PTPRD: variants seen among roughly 807,000 people sequenced by gnomAD.
PTPRD encodes the protein receptor-type tyrosine-protein phosphatase delta.
In PTPRD, 34 loss-of-function variants were observed where a neutral mutation model predicts 214.5. The observed-to-expected ratio is 0.16, with a 90% CI of 0.12 to 0.21. PTPRD has a LOEUF of 0.21. PTPRD is among the 10% of genes least tolerant of loss of function. PTPRD has a pLI of 1.00. For synonymous variants in PTPRD, 1,128 were observed against 845.7 expected (o/e 1.33, Z -5.79); for missense variants, 2,545 against 2,398.7 (o/e 1.06, Z -1.27).
intron 2 of PTPRD, among the ~76,000 whole-genome samples, chr9:10,475,262 G>A (rs974643452): frequency 6.6e-6 from 1 of 151,894 alleles, no homozygotes; most frequent in African/African-American, 2.4e-5. Context: ...GAAGAAAAGG[G>A]AGAAGAATCA....
intron 8 of PTPRD, among the ~76,000 whole-genome samples, chr9:9,445,366 C>G (rs1211865964): frequency 6.6e-6 from 1 of 152,148 alleles, no homozygotes; most frequent in Non-Finnish European, 1.5e-5. Flanking sequence ...AGTGGTTCTT[C>G]CTTTTTACAT....
chr9:9,328,518 C>G (rs192924801), intron 9 of PTPRD, among the ~76,000 whole-genome samples: 1 of 149,818 alleles, frequency 6.7e-6, no homozygotes, highest in South Asian at 2.2e-4. Context: ...TTAAATCTGT[C>G]AATTTAGCAT....
chr9:9,748,976 G>A (rs2098485887), intron 6 of PTPRD, among the ~76,000 whole-genome samples: 2 of 152,088 alleles, frequency 1.3e-5, no homozygotes, highest in South Asian at 4.1e-4. Context: ...CAATAGTGTG[G>A]CAAAACCCAA....
At chr9:9,533,888 A>G in intron 8 of PTPRD, among the ~76,000 whole-genome samples, 1 of 152,208 alleles carries the variant, frequency 6.6e-6, no homozygotes, top group Non-Finnish European at 1.5e-5. Flanking sequence ...TTTAAAATAT[A>G]CTTTTCCATA....
At chr9:9,205,960 C>T (rs1027398062) in intron 9 of PTPRD, among the ~76,000 whole-genome samples, 1 of 152,118 alleles carries the variant, frequency 6.6e-6, no homozygotes, top group Non-Finnish European at 1.5e-5. Context: ...GTGAGTATAG[C>T]AGAGGGTGGG....
intron 11 of PTPRD, among the ~76,000 whole-genome samples, chr9:8,759,033 T>A (rs1205713417): frequency 7.9e-6 from 1 of 126,728 alleles, no homozygotes; most frequent in Admixed American, 7.5e-5. Context: ...TGGTTTTGGG[T>A]TTTTTTTTTT....
chr9:10,245,048 T>A (rs917301274), intron 3 of PTPRD, among the ~76,000 whole-genome samples: 1 of 152,156 alleles, frequency 6.6e-6, no homozygotes, highest in Non-Finnish European at 1.5e-5. Context: ...ATCTAATTTC[T>A]CAAACAGAAA....
chr9:8,698,359 T>C (rs894914757), intron 12 of PTPRD, among the ~76,000 whole-genome samples: 5 of 152,218 alleles, frequency 3.3e-5, no homozygotes, highest in Admixed American at 2.0e-4. Flanking sequence ...CAGTTAGTGA[T>C]AGTGTAAAAA....
chr9:10,257,816 C>A (rs1333357668), intron 3 of PTPRD, among the ~76,000 whole-genome samples: 1 of 152,062 alleles, frequency 6.6e-6, no homozygotes, highest in Non-Finnish European at 1.5e-5. Context: ...TAATACAAGG[C>A]CAACTAAAAT....
chr9:10,397,539 G>A (rs1410406131), intron 2 of PTPRD, among the ~76,000 whole-genome samples: 1 of 151,976 alleles, frequency 6.6e-6, no homozygotes, highest in African/African-American at 2.4e-5. Context: ...ATATAGTCAT[G>A]CACTGACAAC....
chr9:9,713,175 T>C (rs2097765890), intron 7 of PTPRD, among the ~76,000 whole-genome samples: 1 of 152,218 alleles, frequency 6.6e-6, no homozygotes, highest in South Asian at 2.1e-4. Flanking sequence ...AGCTTATTTC[T>C]GCCAGAAAAC....
At chr9:10,277,052 C>T (rs1180715599) in intron 3 of PTPRD, among the ~76,000 whole-genome samples, 1 of 152,152 alleles carries the variant, frequency 6.6e-6, no homozygotes, top group Non-Finnish European at 1.5e-5. Context: ...CAGAGGGCTA[C>T]CCCTCCACCA....
At position 8,499,692 on chromosome 9, in the gene PTPRD, G is replaced by C. The variant is rs1256817374; in HGVS notation, c.2277C>G (p.Pro759=). 6.2e-7 allele frequency: 1 copy of C among 1,613,968 alleles called. No homozygotes were observed. ...VHYVRMENGE[P]KGQPMLKDVM... ...CATCTTTCAGCATGGGCTGGCCCTT[G>C]GGCTCACCATTTTCCATCCTCACAT... The change falls in exon 25 of 46, where the codon CCC becomes CCG. Residue 759 remains proline (P), a synonymous_variant. Coordinates refer to ENST00000381196, the MANE Select transcript of PTPRD (RefSeq NM_002839.4).
chr9:9,023,848 G>A (rs2099577825), intron 10 of PTPRD, among the ~76,000 whole-genome samples: 1 of 151,830 alleles, frequency 6.6e-6, no homozygotes, highest in Admixed American at 6.6e-5. Flanking sequence ...TATTTTACTT[G>A]CTTTTTTAAT....
chr9:10,223,985 G>C (rs1383627180), intron 3 of PTPRD, among the ~76,000 whole-genome samples: 1 of 151,456 alleles, frequency 6.6e-6, no homozygotes, highest in South Asian at 2.1e-4. Context: ...ATATAATATA[G>C]CATATGATTA....
At chr9:9,236,169 C>T (rs1239900222) in intron 9 of PTPRD, among the ~76,000 whole-genome samples, 2 of 152,048 alleles carry the variant, frequency 1.3e-5, no homozygotes, top group Non-Finnish European at 2.9e-5. Flanking sequence ...AGGAGAATTG[C>T]TTGAATCCAG....
intron 3 of PTPRD, among the ~76,000 whole-genome samples, chr9:10,312,537 A>C (rs929512374): frequency 1.3e-5 from 2 of 151,984 alleles, no homozygotes; most frequent in Admixed American, 6.6e-5. Context: ...AAAATTTATA[A>C]ACTCTTGCTT....
chr9:9,624,377 G>A (rs190054330), intron 7 of PTPRD, among the ~76,000 whole-genome samples: 1 of 152,074 alleles, frequency 6.6e-6, no homozygotes, highest in African/African-American at 2.4e-5. Flanking sequence ...CAGCCTCTTG[G>A]GTTCAAGTGA....
chr9:9,815,538 C>A (rs2048481094), intron 5 of PTPRD, among the ~76,000 whole-genome samples: 1 of 152,078 alleles, frequency 6.6e-6, no homozygotes, highest in African/African-American at 2.4e-5. Context: ...TAAAAATCTT[C>A]TACACAGCAA....
Sources: allele counts gnomAD v4.1 joint callset (sites outside exome capture counted in the v4.1 genomes callset), GRCh38; gene constraint gnomAD v4.1.1; transcripts MANE v1.5; gene names NCBI Gene and HGNC (gene_info 2026-07-23, HGNC 2026-07-21).